HHIPL2: variants seen among roughly 807,000 people sequenced by gnomAD.
HHIPL2 encodes the protein HHIP like 2.
In HHIPL2, 61 loss-of-function variants were observed where a neutral mutation model predicts 61.0. The observed-to-expected ratio is 1.00, with a 90% CI of 0.81 to 1.24. The LOEUF is 1.24. Ranked by LOEUF, HHIPL2 falls within the 50% of genes most tolerant of loss-of-function variation. The pLI, the probability that HHIPL2 is intolerant of heterozygous loss-of-function variation, is 0.00. For synonymous variants in HHIPL2, 343 were observed against 357.4 expected, an observed-to-expected ratio of 0.96 and a Z score of 0.45; for missense variants, 885 against 910.2, an observed-to-expected ratio of 0.97 and a Z score of 0.36.
Position 222,543,977 on chromosome 1 carries a change from G to A in HHIPL2, c.534C>T (p.Asp178=), listed in dbSNP as rs191876795. The change falls in exon 2 of 9, where the codon GAC becomes GAT. Residue 178 remains aspartate (D), a synonymous_variant. Coordinates refer to ENST00000343410, the MANE Select transcript of HHIPL2 (RefSeq NM_024746.4). ...TCCTCAGGACATTAGGGAAGCAATAGTCCTTGTCAGGAAGGTCCAGGAGGT... is the reference window on the plus strand; with the variant it reads ...TCCTCAGGACATTAGGGAAGCAATAATCCTTGTCAGGAAGGTCCAGGAGGT... ...FCHLLDLPDK[D]YCFPNVLRND... 1.1e-4 allele frequency: 178 copies of A among 1,614,168 alleles called. No individual in the cohort carries two copies. In the East Asian group the frequency reaches 4.0e-3, roughly 36 times the overall value.
chr1:222,527,811 G>A (rs1659101557), intron 6 of HHIPL2, among the ~76,000 whole-genome samples: 1 of 152,180 alleles, frequency 6.6e-6, no homozygotes, highest in Non-Finnish European at 1.5e-5. Flanking sequence ...AGTTTTATAA[G>A]AGGAAATCCC....
chr1:222,526,636 C>T (rs902245275), intron 7 of HHIPL2, among the ~76,000 whole-genome samples: 15 of 136,758 alleles, frequency 1.1e-4, no homozygotes, highest in Non-Finnish European at 1.4e-4. Context: ...ACCTGGGAGG[C>T]GGAGGTCGCG....
At chr1:222,526,814 C>T (rs1392171078) in intron 7 of HHIPL2, among the ~76,000 whole-genome samples, 155 bp downstream of exon 7, 3 of 151,616 alleles carry the variant, frequency 2.0e-5, no homozygotes, top group Non-Finnish European at 4.4e-5. Context: ...TCCATAATTG[C>T]TATAGATGCA....
chr1:222,539,845 C>T (rs1053014994), intron 4 of HHIPL2, among the ~76,000 whole-genome samples, 165 bp downstream of exon 4: 1 of 152,120 alleles, frequency 6.6e-6, no homozygotes, highest in African/African-American at 2.4e-5. Flanking sequence ...GTCTCTGGTG[C>T]CAGTGAGTGG....
chr1:222,541,776 C>T (rs1013848933), intron 3 of HHIPL2, among the ~76,000 whole-genome samples: 1 of 152,056 alleles, frequency 6.6e-6, no homozygotes, highest in Non-Finnish European at 1.5e-5. Flanking sequence ...TTTTTAAAAT[C>T]CTGAATTCTC....
In HHIPL2 at chr1:222,547,293, G is replaced by A. The variant is rs141142661; in HGVS notation, c.321+431C>T. On this transcript the variant is annotated intron_variant, in intron 1 of 8. Coordinates refer to ENST00000343410, the MANE Select transcript of HHIPL2 (RefSeq NM_024746.4). ...ATGCCCTGGCACAAATCACCCAGAT[G>A]AAAAGGACTGGACCCCAGCAGATGC... Among the ~76,000 whole-genome samples, 516 of 152,292 alleles carry A rather than the reference G, an allele frequency of 3.4e-3. 7 individuals carry two copies. The highest frequency in any genetic ancestry group is 0.022 in the Admixed American group (338 of 15,308).
rs758405858 is a variant in HHIPL2, at chr1:222,543,618, T to C, written c.893A>G (p.Lys298Arg). The C allele has an allele frequency of 1.2e-6, 2 of 1,614,212 alleles. No individual in the cohort carries two copies. Among genetic ancestry groups the C allele is most frequent in the South Asian group, 2.2e-5 (2 of 91,088 alleles). The stretch of plus-strand genomic sequence containing the variant: ...AATTCGGATCTTTTCTACCTTCTTC[T>C]TGTCCAGGCACGAATAATAAATATA... ...KFYIYYSCLD[K>R]KKVEKIRISE... The change falls in exon 2 of 9, where the codon AAG becomes AGG. Residue 298 changes from lysine (K) to arginine (R), a missense_variant. Physicochemically the swap from Lys to Arg is conservative, Grantham distance 26. Transcript: ENST00000343410.
At chr1:222,531,518 C>T (rs1304000564) in intron 6 of HHIPL2, among the ~76,000 whole-genome samples, 5 of 152,154 alleles carry the variant, frequency 3.3e-5, no homozygotes, top group Non-Finnish European at 4.4e-5. Context: ...GAGGCTGAGG[C>T]GGGCAGATCA....
chr1:222,526,596 T>C (rs1659071059), intron 7 of HHIPL2, among the ~76,000 whole-genome samples: 1 of 151,008 alleles, frequency 6.6e-6, no homozygotes, highest in Non-Finnish European at 1.5e-5. Context: ...TCTCAGCTAC[T>C]TGGGAGGCTG....
At chr1:222,542,708 A>G (rs1266450084) in intron 2 of HHIPL2, among the ~76,000 whole-genome samples, 2 of 151,032 alleles carry the variant, frequency 1.3e-5, no homozygotes, top group African/African-American at 2.4e-5. Flanking sequence ...TTTTTGATAG[A>G]GACAGGGTTT....
chr1:222,543,715 G>A lies in HHIPL2; in HGVS notation c.796C>T (p.Pro266Ser), dbSNP rs1034093934. 16 of 1,614,192 alleles carry A rather than the reference G, an allele frequency of 9.9e-6. No homozygotes were observed. The highest frequency in any genetic ancestry group is 1.4e-5 in the Non-Finnish European group (16 of 1,180,042). Reference sequence around the variant, plus strand: ...AAGCCTCTCTCATCCCCGATCCATGGGGTGGTCAACACGATGTTCTTGAGG... The same window carrying A: ...AAGCCTCTCTCATCCCCGATCCATGAGGTGGTCAACACGATGTTCTTGAGG... ...LDLKNIVLTT[P>S]WIGDERGFLG... The change falls in exon 2 of 9, where the codon CCA (proline) becomes TCA (serine). Residue 266 changes from proline (P) to serine (S), a missense_variant. Coordinates refer to ENST00000343410, the MANE Select transcript of HHIPL2 (RefSeq NM_024746.4).
intron 6 of HHIPL2, among the ~76,000 whole-genome samples, chr1:222,530,610 C>G (rs1158544076): frequency 6.6e-6 from 1 of 152,210 alleles, no homozygotes; most frequent in Non-Finnish European, 1.5e-5. Flanking sequence ...CTGACTGGGT[C>G]TCTTTATATC....
At chr1:222,538,581 T>A in intron 5 of HHIPL2, 67 bp downstream of exon 5, 1 of 1,403,418 alleles carries the variant, frequency 7.1e-7, no homozygotes, top group Admixed American at 1.8e-5. Flanking sequence ...TTTCACCATA[T>A]GTAAGTTATA....
chr1:222,541,983 G>A, intron 3 of HHIPL2, 29 bp downstream of exon 3: 1 of 1,583,568 alleles, frequency 6.3e-7, no homozygotes. Flanking sequence ...ACTCTGAAGG[G>A]ACAAGGGCCC....
chr1:222,541,379 G>A (rs1029534344), intron 3 of HHIPL2, among the ~76,000 whole-genome samples: 1 of 152,062 alleles, frequency 6.6e-6, no homozygotes, highest in African/African-American at 2.4e-5. Context: ...CTCATTGTAC[G>A]ACCTCTGTGT....
rs201766864 is a variant in HHIPL2 at position 222,523,667 on chromosome 1, G to A, written c.1833C>T (p.Tyr611=). ...TCTTGGTTCTCACGGGCACTGGCTT[G>A]TATTTGCACTTGCCTGGGGGTGCTC... The part of the protein sequence containing the change: ...SRRAPPGKCK[Y]KPVPVRTKSK... Residue 611 remains tyrosine (Y), a synonymous_variant, in exon 8 of 9, where the codon TAC becomes TAT. Transcript: ENST00000343410. 5.6e-6 allele frequency: 9 copies of A among 1,614,186 alleles called. No homozygotes were observed. In the East Asian group the frequency reaches 1.8e-4, roughly 32 times the overall value.
intron 7 of HHIPL2, among the ~76,000 whole-genome samples, chr1:222,525,894 G>A (rs367738017): frequency 1.3e-5 from 2 of 152,252 alleles, no homozygotes; most frequent in South Asian, 2.1e-4. Context: ...AGCGACTTGG[G>A]AGGCTGAGGC....
chr1:222,527,741 C>A (rs886579001), intron 6 of HHIPL2, among the ~76,000 whole-genome samples: 6 of 152,160 alleles, frequency 3.9e-5, no homozygotes, highest in African/African-American at 1.4e-4. Flanking sequence ...ATGGGGGCAG[C>A]TTCCCCCATA....
At chr1:222,533,821 G>A (rs957080266) in intron 5 of HHIPL2, among the ~76,000 whole-genome samples, 1 of 152,168 alleles carries the variant, frequency 6.6e-6, no homozygotes, top group African/African-American at 2.4e-5. Flanking sequence ...GAGCTGAAAA[G>A]ATATTGCTGA....
Sources: gnomAD v4.1 joint callset for allele counts (sites outside exome capture counted in the v4.1 genomes callset) on GRCh38, gnomAD v4.1.1 for gene constraint, MANE v1.5 for transcripts, NCBI Gene and HGNC (gene_info 2026-07-23, HGNC 2026-07-21) for gene names.